The following GHR variants were observed in gnomAD, a reference collection of about 807,000 sequenced individuals.
GHR encodes the protein growth hormone receptor.
Under a neutral mutation model 67.1 loss-of-function variants are expected in GHR, and 35 were observed. The ratio of observed to expected loss-of-function variants is 0.52; its 90% confidence interval spans 0.40 to 0.69. The LOEUF is 0.69. Among genes scored for constraint, GHR ranks in the 30% least tolerant of loss-of-function variants. The pLI is 0.00. For missense variants in GHR, 792 were observed against 764.6 expected (o/e 1.04, Z -0.42); for synonymous variants, 272 against 269.1 (o/e 1.01, Z -0.10).
At chr5:42,608,702 A>C (rs1326707960) in intron 2 of GHR, among the ~76,000 whole-genome samples, 1 of 152,202 alleles carries the variant, frequency 6.6e-6, no homozygotes, top group Non-Finnish European at 1.5e-5. Context: ...CAAAAAGATA[A>C]ATTTCAGAGA....
chr5:42,514,047 C>T (rs1747136546), intron 1 of GHR: 7 of 917,820 alleles, frequency 7.6e-6, no homozygotes, highest in Non-Finnish European at 9.1e-6. Context: ...TAAAACAAAG[C>T]TTGCTTCACC....
intron 1 of GHR, among the ~76,000 whole-genome samples, chr5:42,496,500 G>A (rs555630979): frequency 2.6e-5 from 4 of 152,114 alleles, no homozygotes; most frequent in Admixed American, 1.3e-4. Flanking sequence ...ATCTTGGGAT[G>A]CTGGATGAAA....
intron 1 of GHR, among the ~76,000 whole-genome samples, chr5:42,532,601 T>C (rs1748024754): frequency 6.6e-6 from 1 of 152,192 alleles, no homozygotes; most frequent in African/African-American, 2.4e-5. Context: ...GGTATTTATA[T>C]AATTCTGTTT....
At chr5:42,534,537 T>C in intron 1 of GHR, among the ~76,000 whole-genome samples, 1 of 151,500 alleles carries the variant, frequency 6.6e-6, no homozygotes, top group East Asian at 1.9e-4. Context: ...TATGTATATA[T>C]ACTATAGTTT....
chr5:42,454,832 T>A (rs573561729), intron 1 of GHR, among the ~76,000 whole-genome samples: 1 of 152,216 alleles, frequency 6.6e-6, no homozygotes, highest in South Asian at 2.1e-4. Flanking sequence ...CCCCTCCCTG[T>A]CTGCCCACAA....
chr5:42,528,412 G>T (rs1272392885), intron 1 of GHR, among the ~76,000 whole-genome samples: 1 of 152,202 alleles, frequency 6.6e-6, no homozygotes, highest in Non-Finnish European at 1.5e-5. Context: ...GCCGCTGCAA[G>T]TGTAGTGGAA....
At chr5:42,517,277 T>C (rs1747279385) in intron 1 of GHR, among the ~76,000 whole-genome samples, 2 of 152,204 alleles carry the variant, frequency 1.3e-5, no homozygotes, top group African/African-American at 4.8e-5. Context: ...GGTTTCCTTT[T>C]TAAAACCTGA....
At chr5:42,458,961 A>G (rs60614954) in intron 1 of GHR, among the ~76,000 whole-genome samples, 230 of 152,322 alleles carry the variant, frequency 1.5e-3, no homozygotes, top group African/African-American at 5.3e-3. Flanking sequence ...CAGAATGGCT[A>G]TTACCAAAAA....
chr5:42,538,437 C>G (rs1342571145), intron 1 of GHR, among the ~76,000 whole-genome samples: 1 of 152,146 alleles, frequency 6.6e-6, no homozygotes, highest in Admixed American at 6.6e-5. Context: ...ATATATGATG[C>G]TTAGCTTGCT....
At chr5:42,465,316 C>A in intron 1 of GHR, 1 of 700,452 alleles carries the variant, frequency 1.4e-6, no homozygotes, top group Non-Finnish European at 2.5e-6. Context: ...TTTTTTTTTG[C>A]ATGAAAATAA....
chr5:42,479,420 C>G (rs1162763238), intron 1 of GHR, among the ~76,000 whole-genome samples: 1 of 152,124 alleles, frequency 6.6e-6, no homozygotes, highest in Non-Finnish European at 1.5e-5. Flanking sequence ...AGGGAGGATT[C>G]CCTCTTTTTC....
rs1161188949 is a variant in GHR, at chr5:42,695,038, A to G, written c.388A>G (p.Thr130Ala). 6.2e-7 allele frequency: 1 copy of G among 1,610,630 alleles called. No individual in the cohort carries two copies. The highest frequency in any genetic ancestry group is 1.3e-5 in the African/African-American group (1 of 74,854). ...SIWIPYCIKL[T>A]SNGGTVDEKC... The stretch of plus-strand genomic sequence containing the variant: ...CTGGATACCTTATTGTATCAAGCTA[A>G]CTAGCAATGGTGGTACAGTGGATGA... The change falls in exon 5 of 10, where the codon ACT becomes GCT. Residue 130 changes from threonine (T) to alanine (A), a missense_variant. Transcript: ENST00000230882.
At chr5:42,556,499 A>G (rs574489527) in intron 1 of GHR, among the ~76,000 whole-genome samples, 17 of 152,352 alleles carry the variant, frequency 1.1e-4, no homozygotes, top group Admixed American at 9.2e-4. Flanking sequence ...TTAAAAAATC[A>G]GATTTTAGAA....
chr5:42,425,104 T>C (rs1201676258), intron 1 of GHR: 1 of 691,900 alleles, frequency 1.4e-6, no homozygotes, highest in East Asian at 1.3e-4. Context: ...ATTAAGGGCT[T>C]TAAAATAACT....
At chr5:42,709,898 G>A (rs540760012) in intron 6 of GHR, among the ~76,000 whole-genome samples, 2 of 152,044 alleles carry the variant, frequency 1.3e-5, no homozygotes, top group African/African-American at 4.8e-5. Flanking sequence ...TGGTGTGGCT[G>A]GTGTGGAGGG....
intron 1 of GHR, among the ~76,000 whole-genome samples, chr5:42,488,800 A>C (rs536293838): frequency 4.5e-4 from 69 of 152,216 alleles, no homozygotes; most frequent in Non-Finnish European, 8.8e-4. Flanking sequence ...TTATCGCCAC[A>C]GCTAACATAT....
intron 2 of GHR, among the ~76,000 whole-genome samples, chr5:42,587,468 A>G (rs1415839679): frequency 6.6e-6 from 1 of 152,174 alleles, no homozygotes; most frequent in Non-Finnish European, 1.5e-5. Context: ...ATTTTGGTCC[A>G]GAACTCCCAA....
At chr5:42,578,004 G>A (rs2112539050) in intron 2 of GHR, among the ~76,000 whole-genome samples, 2 of 152,274 alleles carry the variant, frequency 1.3e-5, no homozygotes, top group South Asian at 4.2e-4. Flanking sequence ...CAGAACATAT[G>A]ATTACAATAG....
intron 6 of GHR, among the ~76,000 whole-genome samples, chr5:42,709,395 G>A (rs1057397028): frequency 1.3e-5 from 2 of 152,104 alleles, no homozygotes; most frequent in Admixed American, 6.6e-5. Flanking sequence ...TGCCAACCTC[G>A]GCCTCCCAAA....
Sources: allele counts gnomAD v4.1 joint callset (sites outside exome capture counted in the v4.1 genomes callset), GRCh38; gene constraint gnomAD v4.1.1; transcripts MANE v1.5; gene names NCBI Gene and HGNC (gene_info 2026-07-23, HGNC 2026-07-21).